The following LUC7L3 variants were observed in gnomAD, a reference collection of about 807,000 sequenced individuals.
LUC7L3 encodes LUC7 like 3 pre-mRNA splicing factor.
In LUC7L3, 6 loss-of-function variants were observed where a neutral mutation model predicts 66.8. The ratio of observed to expected loss-of-function variants is 0.09; its 90% CI spans 0.05 to 0.18. The LOEUF (loss-of-function observed/expected upper bound fraction) is 0.18, where lower values mean the gene tolerates loss of function less well. LUC7L3 is among the 10% of genes least tolerant of loss of function. The pLI is 1.00. For missense variants in LUC7L3, 341 were observed against 531.1 expected, an observed-to-expected ratio of 0.64 and a Z score of 3.52; for synonymous variants, 160 against 174.7, an observed-to-expected ratio of 0.92 and a Z score of 0.66.
intron 1 of LUC7L3, among the ~76,000 whole-genome samples, chr17:50,721,039 A>ACT (rs753487359): frequency 1.2e-4 from 18 of 151,772 alleles, no homozygotes; most frequent in Admixed American, 3.3e-4. Context: ...AGACTAAGGA[A>ACT]CTGCTTACCT....
chr17:50,751,878 T>C lies in LUC7L3; in HGVS notation c.*1217T>C. 9.8e-7 allele frequency: 1 copy of C among 1,016,430 alleles called. No individual in the cohort carries two copies. Among genetic ancestry groups the C allele is most frequent in the African/African-American group, 1.7e-5 (1 of 57,614 alleles). The allele number at this position is 1,016,430 out of a possible 1,614,324, so 63.0% of individuals were successfully genotyped here. A position where few individuals can be genotyped will look rare whatever the true frequency, so the allele number is the denominator to read the frequency against. Reference sequence around the variant, plus strand: ...AGGTACTGTAAGTGTTCTTAAAACCTGTAAACTTCATTCTGTGGGCTAGTG... The same window carrying C: ...AGGTACTGTAAGTGTTCTTAAAACCCGTAAACTTCATTCTGTGGGCTAGTG... On this transcript the variant is annotated 3_prime_UTR_variant, in exon 10 of 10. Coordinates refer to ENST00000505658, the MANE Select transcript of LUC7L3 (RefSeq NM_016424.5).
In LUC7L3 at chr17:50,754,001, G is replaced by T. The variant is rs1971064390; in HGVS notation, c.*3340G>T. The T allele has an allele frequency of 6.6e-6, 1 of 152,104 alleles. No individual in the cohort carries two copies. Among genetic ancestry groups the T allele is most frequent in the South Asian group, 2.1e-4 (1 of 4,824 alleles). 9.4% of individuals were successfully genotyped at this position (152,104 alleles called of 1,614,324 possible). A position where few individuals can be genotyped will look rare whatever the true frequency, so the allele number is the denominator to read the frequency against. ...AGTTATGGAGAGAGACGTAGAAGTT[G>T]AATTTTACACCCAAAATTGATGTGA... On this transcript the variant is annotated 3_prime_UTR_variant, in exon 10 of 10. Coordinates refer to ENST00000505658, the MANE Select transcript of LUC7L3 (RefSeq NM_016424.5).
intron 1 of LUC7L3, among the ~76,000 whole-genome samples, chr17:50,725,515 CTTT>C (rs919640356): frequency 8.6e-5 from 13 of 151,598 alleles, no homozygotes; most frequent in Non-Finnish European, 1.6e-4. Flanking sequence ...AGTAAATGCA[CTTT>C]TTTTTTCCAA....
At chr17:50,736,448 T>C (rs945995904) in intron 1 of LUC7L3, among the ~76,000 whole-genome samples, 1 of 152,222 alleles carries the variant, frequency 6.6e-6, no homozygotes, top group African/African-American at 2.4e-5. Context: ...TTAAAACATT[T>C]GCCAGGCATG....
intron 1 of LUC7L3, among the ~76,000 whole-genome samples, chr17:50,729,899 TATATATATATATATA>T (rs1567860441): frequency 0.09 from 1,286 of 14,250 alleles, 83 homozygotes; most frequent in African/African-American, 0.14. Flanking sequence ...AAATACATTA[TATATATATATATATA>T]TATATATATA....
chr17:50,741,408 C>CTTT, intron 4 of LUC7L3, 162 bp downstream of exon 4: 1 of 753,842 alleles, frequency 1.3e-6, no homozygotes, highest in Non-Finnish European at 2.1e-6. Context: ...TATTAGCAAA[C>CTTT]ATAACACTGA....
At chr17:50,740,723 T>C (rs62061871) in intron 3 of LUC7L3, among the ~76,000 whole-genome samples, 37,991 of 152,032 alleles carry the variant, frequency 0.25, 5,040 homozygotes, top group Middle Eastern at 0.33. Flanking sequence ...CATGCCTGAC[T>C]AATATTTTGT....
chr17:50,743,914 C>T, intron 6 of LUC7L3, 104 bp downstream of exon 6: 1 of 830,658 alleles, frequency 1.2e-6, no homozygotes, highest in East Asian at 2.6e-5. Flanking sequence ...AACTTAGAGT[C>T]AGCACAATTT....
Position 50,755,661 on chromosome 17 carries a change from A to G in LUC7L3, c.*5000A>G, listed in dbSNP as rs1971095510. The G allele has an allele frequency of 6.6e-6, 1 of 152,224 alleles. No individual in the cohort carries two copies. Among genetic ancestry groups the G allele is most frequent in the African/African-American group, 2.4e-5 (1 of 41,456 alleles). 9.4% of individuals were successfully genotyped at this position (152,224 alleles called of 1,614,324 possible). A position where few individuals can be genotyped will look rare whatever the true frequency, so the allele number is the denominator to read the frequency against. On this transcript the variant is annotated 3_prime_UTR_variant, in exon 10 of 10. Coordinates refer to ENST00000505658, the MANE Select transcript of LUC7L3 (RefSeq NM_016424.5). ...CAACAACTTTGGGAAACGGGAAACA[A>G]TTTGGTATAAGTGGGTGTGCCATAA...
intron 9 of LUC7L3, chr17:50,749,392 C>A: frequency 8.0e-7 from 1 of 1,251,488 alleles, no homozygotes. Context: ...AGTGGACAGA[C>A]AGACATGAAG....
chr17:50,750,000 C>T (rs917650980), intron 9 of LUC7L3, among the ~76,000 whole-genome samples: 1 of 152,102 alleles, frequency 6.6e-6, no homozygotes, highest in Non-Finnish European at 1.5e-5. Context: ...TAGGCTTATC[C>T]TTCTTGGATA....
At chr17:50,731,888 C>G (rs1476384146) in intron 1 of LUC7L3, among the ~76,000 whole-genome samples, 1 of 152,118 alleles carries the variant, frequency 6.6e-6, no homozygotes, top group Non-Finnish European at 1.5e-5. Context: ...GCGGACAGGT[C>G]TACGGAAACC....
intron 1 of LUC7L3, among the ~76,000 whole-genome samples, chr17:50,728,365 A>G (rs572825031): frequency 2.0e-4 from 31 of 152,286 alleles, no homozygotes; most frequent in Non-Finnish European, 3.8e-4. Flanking sequence ...ACATAAAGCT[A>G]TATGTTATCA....
intron 1 of LUC7L3, among the ~76,000 whole-genome samples, chr17:50,726,089 A>G (rs1470081053): frequency 1.3e-5 from 2 of 152,234 alleles, no homozygotes; most frequent in Non-Finnish European, 2.9e-5. Context: ...AGTAAATTGC[A>G]TATCACAGTA....
chr17:50,744,409 T>C (rs754429072), intron 6 of LUC7L3, among the ~76,000 whole-genome samples: 15 of 152,220 alleles, frequency 9.9e-5, no homozygotes, highest in Non-Finnish European at 1.8e-4. Context: ...TGTAAGGTAA[T>C]GTGGGTGTTG....
chr17:50,740,401 G>T (rs8080454), intron 3 of LUC7L3, 56 bp downstream of exon 3: 2 of 1,487,554 alleles, frequency 1.3e-6, no homozygotes, highest in African/African-American at 2.8e-5. Context: ...GTTTAAGTGG[G>T]ACAAGGGTTG....
Position 50,753,850 on chromosome 17 carries a change from G to A in LUC7L3, c.*3189G>A, listed in dbSNP as rs1485122090. Reference sequence around the variant, plus strand: ...AACTTAAATGAAGTATAATAAATGAGTTCATATGAAAAGGCTTCCTCTATG... The same window carrying A: ...AACTTAAATGAAGTATAATAAATGAATTCATATGAAAAGGCTTCCTCTATG... On this transcript the variant is annotated 3_prime_UTR_variant, in exon 10 of 10. Coordinates refer to ENST00000505658, the MANE Select transcript of LUC7L3 (RefSeq NM_016424.5). 6.6e-6 allele frequency: 1 copy of A among 152,136 alleles called. No individual in the cohort carries two copies. Among genetic ancestry groups the A allele is most frequent in the East Asian group, 1.9e-4 (1 of 5,196 alleles). 9.4% of individuals were successfully genotyped at this position (152,136 alleles called of 1,614,324 possible).
intron 8 of LUC7L3, 26 bp from the exon 9 acceptor site, chr17:50,746,516 T>C (rs1970678538): frequency 6.2e-7 from 1 of 1,603,776 alleles, no homozygotes; most frequent in Non-Finnish European, 8.5e-7. Context: ...CTGGCTGAAG[T>C]TGCCTTTTGG....
At position 50,751,684 on chromosome 17, in the gene LUC7L3, T is replaced by C; in HGVS notation, c.*1023T>C. 1.9e-6 allele frequency: 2 copies of C among 1,069,958 alleles called. No individual in the cohort carries two copies. The highest frequency in any genetic ancestry group is 2.3e-6 in the Non-Finnish European group (2 of 878,598). 66.3% of individuals were successfully genotyped at this position (1,069,958 alleles called of 1,614,324 possible). A position where few individuals can be genotyped will look rare whatever the true frequency, so the allele number is the denominator to read the frequency against. On this transcript the variant is annotated 3_prime_UTR_variant, in exon 10 of 10. Coordinates refer to ENST00000505658, the MANE Select transcript of LUC7L3 (RefSeq NM_016424.5). Reference sequence around the variant, plus strand: ...GGTATGTGCTTAATATTTCCTACTGTGTAGGAGAATTTGCAGTCAGCCATA... The same window carrying C: ...GGTATGTGCTTAATATTTCCTACTGCGTAGGAGAATTTGCAGTCAGCCATA...
Sources: gnomAD v4.1 joint callset for allele counts (sites outside exome capture counted in the v4.1 genomes callset) on GRCh38, gnomAD v4.1.1 for gene constraint, MANE v1.5 for transcripts, NCBI Gene and HGNC (gene_info 2026-07-23, HGNC 2026-07-21) for gene names.